ADAMTSL1: variants seen among roughly 807,000 people sequenced by gnomAD.
ADAMTSL1 encodes ADAMTS-like protein 1.
A neutral mutation model predicts 201.8 loss-of-function variants in ADAMTSL1; 126 were observed. The ratio of observed to expected loss-of-function variants is 0.62; its 90% confidence interval spans 0.54 to 0.72. The LOEUF is 0.72. Ranked by LOEUF, ADAMTSL1 falls within the 30% of genes least tolerant of loss-of-function variation. The probability of loss-of-function intolerance (pLI) is 0.00; values close to 1 mark genes in which losing one functional copy is unlikely to be tolerated. For synonymous variants in ADAMTSL1, 1,121 were observed against 903.4 expected (o/e 1.24, Z -4.32); for missense variants, 2,679 against 2,277.8 (o/e 1.18, Z -3.59).
chr9:18,898,366 A>T (rs1829790384), intron 26 of ADAMTSL1, among the ~76,000 whole-genome samples: 1 of 152,206 alleles, frequency 6.6e-6, no homozygotes, highest in South Asian at 2.1e-4. Flanking sequence ...AGAAATTCAC[A>T]ATGCAATCAC....
chr9:18,826,485 G>C (rs1314954583), intron 22 of ADAMTSL1, 22 bp downstream of exon 22: 21 of 1,601,946 alleles, frequency 1.3e-5, no homozygotes, highest in Admixed American at 5.1e-5. Context: ...AAAGCTGGCT[G>C]CCTCTGCTGC....
At chr9:17,945,587 C>G (rs1827428963) in intron 1 of ADAMTSL1, among the ~76,000 whole-genome samples, 1 of 152,000 alleles carries the variant, frequency 6.6e-6, no homozygotes, top group African/African-American at 2.4e-5. Context: ...CAATGATAGA[C>G]TGGATTAAGA....
chr9:18,114,830 G>A (rs1411144937), intron 1 of ADAMTSL1, among the ~76,000 whole-genome samples: 1 of 152,158 alleles, frequency 6.6e-6, no homozygotes, highest in Non-Finnish European at 1.5e-5. Context: ...AAGGCTGAAG[G>A]GAATGTGGGA....
intron 1 of ADAMTSL1, among the ~76,000 whole-genome samples, chr9:17,924,376 T>G (rs77827891): frequency 2.0e-5 from 3 of 152,244 alleles, no homozygotes; most frequent in East Asian, 1.9e-4. Context: ...GTCGAGGAAT[T>G]TATCCATTTC....
chr9:18,370,909 A>G (rs2133127041), intron 2 of ADAMTSL1, among the ~76,000 whole-genome samples: 1 of 152,284 alleles, frequency 6.6e-6, no homozygotes, highest in Admixed American at 6.5e-5. Flanking sequence ...GTGTTGATGT[A>G]TAAATATTCT....
At chr9:18,549,673 A>G (rs1368769816) in intron 3 of ADAMTSL1, among the ~76,000 whole-genome samples, 1 of 151,982 alleles carries the variant, frequency 6.6e-6, no homozygotes, top group Non-Finnish European at 1.5e-5. Flanking sequence ...ACATGACCAC[A>G]TATGTTGCTT....
intron 2 of ADAMTSL1, among the ~76,000 whole-genome samples, chr9:18,208,550 C>G (rs529440670): frequency 6.6e-6 from 1 of 152,084 alleles, no homozygotes. Context: ...TTGGAAGACA[C>G]CAGGCACAGT....
intron 1 of ADAMTSL1, among the ~76,000 whole-genome samples, chr9:18,105,155 C>T (rs1401977630): frequency 3.3e-5 from 5 of 152,190 alleles, no homozygotes; most frequent in African/African-American, 7.2e-5. Context: ...GACACCGTCT[C>T]CGCTCTTGGT....
chr9:18,744,148 G>A (rs150572026), intron 15 of ADAMTSL1, among the ~76,000 whole-genome samples: 1 of 152,318 alleles, frequency 6.6e-6, no homozygotes, highest in East Asian at 1.9e-4. Context: ...AATTCATCAG[G>A]TCAATGCAAG....
intron 3 of ADAMTSL1, among the ~76,000 whole-genome samples, chr9:18,563,851 C>T (rs938941974): frequency 4.3e-4 from 65 of 152,278 alleles, no homozygotes; most frequent in African/African-American, 1.4e-3. Context: ...TAATGGTGGA[C>T]GCCCCTACCC....
chr9:18,315,446 G>C (rs1396159836), intron 2 of ADAMTSL1, among the ~76,000 whole-genome samples: 1 of 152,046 alleles, frequency 6.6e-6, no homozygotes, highest in African/African-American at 2.4e-5. Context: ...GAGGAGGGGG[G>C]TGGTTCGGGC....
intron 2 of ADAMTSL1, among the ~76,000 whole-genome samples, chr9:18,197,734 G>A (rs1224851092): frequency 6.6e-6 from 1 of 151,558 alleles, no homozygotes; most frequent in African/African-American, 2.4e-5. Context: ...GGAGTGGTGA[G>A]AGAGGGCATC....
intron 2 of ADAMTSL1, among the ~76,000 whole-genome samples, chr9:18,520,896 C>G (rs1818649869): frequency 6.6e-6 from 1 of 152,160 alleles, no homozygotes; most frequent in Admixed American, 6.5e-5. Flanking sequence ...CAGTGGAAAA[C>G]TGCTTCTGCG....
chr9:18,478,993 A>G (rs1821596615), intron 1 of ADAMTSL1, among the ~76,000 whole-genome samples: 1 of 152,212 alleles, frequency 6.6e-6, no homozygotes, highest in Non-Finnish European at 1.5e-5. Context: ...TGAGCGGCTT[A>G]GGACTGGCAT....
intron 7 of ADAMTSL1, chr9:18,651,434 A>T (rs1828246776): frequency 6.6e-6 from 1 of 152,250 alleles, no homozygotes; most frequent in East Asian, 1.9e-4. Flanking sequence ...TGAAAGATCT[A>T]TGCAGAAAGC....
chr9:18,248,840 G>A (rs1205087114), intron 2 of ADAMTSL1, among the ~76,000 whole-genome samples: 1 of 152,156 alleles, frequency 6.6e-6, no homozygotes, highest in Non-Finnish European at 1.5e-5. Flanking sequence ...AGGCAAGAAT[G>A]TATTGTGTGT....
intron 1 of ADAMTSL1, among the ~76,000 whole-genome samples, chr9:17,955,034 G>A (rs531304738): frequency 6.6e-6 from 1 of 152,194 alleles, no homozygotes. Context: ...TAAAAATAAT[G>A]AAGAATGAGG....
chr9:18,880,802 C>G (rs1263621919), intron 23 of ADAMTSL1, among the ~76,000 whole-genome samples: 1 of 152,232 alleles, frequency 6.6e-6, no homozygotes, highest in African/African-American at 2.4e-5. Context: ...TGACTTCTCT[C>G]TAGTTATCAA....
At chr9:18,043,098 A>G (rs973915505) in intron 1 of ADAMTSL1, among the ~76,000 whole-genome samples, 1 of 152,138 alleles carries the variant, frequency 6.6e-6, no homozygotes, top group African/African-American at 2.4e-5. Context: ...TGTAGTACAG[A>G]CCAGTCTTTT....
Sources: gnomAD v4.1 joint callset for allele counts (sites outside exome capture counted in the v4.1 genomes callset) on GRCh38, gnomAD v4.1.1 for gene constraint, MANE v1.5 for transcripts, NCBI Gene and HGNC (gene_info 2026-07-23, HGNC 2026-07-21) for gene names.